CD164L2: variants seen among roughly 807,000 people sequenced by gnomAD.
The protein encoded by CD164L2 is CD164 molecule like 2.
CD164L2 carries 21 observed loss-of-function variants against 23.9 expected under a neutral mutation model. The ratio of observed to expected loss-of-function variants is 0.88; its 90% CI spans 0.62 to 1.27. The LOEUF is 1.27. CD164L2 is among the 50% of genes most tolerant of loss of function. The pLI, the probability that CD164L2 is intolerant of heterozygous loss-of-function variation, is 0.00. For synonymous variants in CD164L2, 92 were observed against 90.2 expected (o/e 1.02, Z -0.11); for missense variants, 230 against 224.8 (o/e 1.02, Z -0.15).
In CD164L2 at chr1:27,379,502, G is replaced by C; in HGVS notation, c.*1C>G. The C allele has an allele frequency of 6.4e-7, 1 of 1,550,454 alleles. No individual in the cohort carries two copies. Among genetic ancestry groups the C allele is most frequent in the Non-Finnish European group, 8.7e-7 (1 of 1,146,914 alleles). The stretch of plus-strand genomic sequence containing the variant: ...CAGGATGGAGTCCAGGCCCAAAGGG[G>C]TCAGATTCTGCAGAGGCCAAAGAGG... On this transcript the variant is annotated 3_prime_UTR_variant, in exon 6 of 6. Coordinates refer to ENST00000374030, the MANE Select transcript of CD164L2 (RefSeq NM_001330448.1).
intron 1 of CD164L2, 103 bp downstream of exon 1, chr1:27,383,048 GC>G (rs2016371241): frequency 1.8e-5 from 17 of 963,814 alleles, no homozygotes; most frequent in Non-Finnish European, 2.7e-5. Flanking sequence ...TGGCCGGAAA[GC>G]CCCCTCCCCT....
intron 3 of CD164L2, 102 bp downstream of exon 3, chr1:27,382,226 G>A (rs1271196047): frequency 3.7e-6 from 6 of 1,612,568 alleles, no homozygotes; most frequent in Non-Finnish European, 5.1e-6. Flanking sequence ...CCAGGTATGG[G>A]TGAGCAAAAT....
chr1:27,379,192 T>C lies in CD164L2; in HGVS notation c.*311A>G, dbSNP rs993588042. The C allele has an allele frequency of 1.9e-6, 1 of 520,510 alleles. No homozygotes were observed. The highest frequency in any genetic ancestry group is 3.5e-6 in the Non-Finnish European group (1 of 286,824). The allele number at this position is 520,510 out of a possible 1,614,324, so 32.2% of individuals were successfully genotyped here. On this transcript the variant is annotated 3_prime_UTR_variant, in exon 6 of 6. Transcript: ENST00000374030. ...GACATGAAGTGCAGTGCAGAGTTCCTTTATTTGGGGGCAGTGCCCAGGCCA... is the reference window on the plus strand; with the variant it reads ...GACATGAAGTGCAGTGCAGAGTTCCCTTATTTGGGGGCAGTGCCCAGGCCA...
chr1:27,379,566 C>A, intron 5 of CD164L2, 57 bp from the exon 6 acceptor site: 3 of 1,550,568 alleles, frequency 1.9e-6, no homozygotes, highest in Non-Finnish European at 1.7e-6. Flanking sequence ...CAGCCAAGGA[C>A]CCCCTGCCTC....
At chr1:27,381,271 T>G (rs776456963) in intron 4 of CD164L2, among the ~76,000 whole-genome samples, 3 of 152,180 alleles carry the variant, frequency 2.0e-5, no homozygotes, top group Non-Finnish European at 4.4e-5. Flanking sequence ...GTTTCTGGCT[T>G]TAATTAACCA....
chr1:27,382,263 C>T (rs1157131447), intron 3 of CD164L2, 65 bp downstream of exon 3: 6 of 1,613,942 alleles, frequency 3.7e-6, no homozygotes, highest in Non-Finnish European at 5.1e-6. Context: ...GCTGTTTCCT[C>T]CTGGGGGGCA....
At chr1:27,379,854 G>T in intron 5 of CD164L2, 197 bp downstream of exon 5, 1 of 1,488,066 alleles carries the variant, frequency 6.7e-7, no homozygotes, top group Non-Finnish European at 8.9e-7. Context: ...CTGAGTCCTG[G>T]TCCCAGCCAA....
In CD164L2 at chr1:27,379,475, C is replaced by T. The variant is rs764682583; in HGVS notation, c.*28G>A. 6.5e-7 allele frequency: 1 copy of T among 1,547,710 alleles called. No individual in the cohort carries two copies. Among genetic ancestry groups the T allele is most frequent in the South Asian group, 1.2e-5 (1 of 84,004 alleles). On this transcript the variant is annotated 3_prime_UTR_variant, in exon 6 of 6. Transcript: ENST00000374030. ...GCCACCCTCTGCATCCTCCTTTCCC[C>T]TCAGGATGGAGTCCAGGCCCAAAGG...
At position 27,379,487 on chromosome 1, in the gene CD164L2, TC is replaced by T. The variant is rs2016298237; in HGVS notation, c.*15del. On this transcript the variant is annotated 3_prime_UTR_variant, in exon 6 of 6. Coordinates refer to ENST00000374030, the MANE Select transcript of CD164L2 (RefSeq NM_001330448.1). ...ATCCTCCTTTCCCCTCAGGATGGAG[TC>T]CAGGCCCAAAGGGGTCAGATTCTGC... The T allele has an allele frequency of 3.9e-6, 6 of 1,542,450 alleles. No homozygotes were observed. The highest frequency in any genetic ancestry group is 5.2e-6 in the Non-Finnish European group (6 of 1,144,428).
At chr1:27,381,664 G>A in intron 4 of CD164L2, 116 bp downstream of exon 4, 1 of 1,107,512 alleles carries the variant, frequency 9.0e-7, no homozygotes, top group African/African-American at 1.6e-5. Flanking sequence ...GCGGAGACAG[G>A]CTCCGAGGGA....
chr1:27,380,784 G>C (rs571273240), intron 4 of CD164L2, among the ~76,000 whole-genome samples: 1 of 152,232 alleles, frequency 6.6e-6, no homozygotes, highest in African/African-American at 2.4e-5. Flanking sequence ...GTGTCAGGGG[G>C]AACATGGCTG....
chr1:27,379,707 G>A, intron 5 of CD164L2, 198 bp from the exon 6 acceptor site: 4 of 1,461,172 alleles, frequency 2.7e-6, no homozygotes, highest in Non-Finnish European at 3.6e-6. Context: ...TAGACACAAG[G>A]CCCAGCTCCT....
chr1:27,382,117 C>A, intron 3 of CD164L2: 1 of 1,505,208 alleles, frequency 6.6e-7, no homozygotes, highest in South Asian at 1.3e-5. Flanking sequence ...AGCTAACACT[C>A]CCATCCCCTC....
intron 3 of CD164L2, 42 bp from the exon 4 acceptor site, chr1:27,381,866 C>T: frequency 6.2e-7 from 1 of 1,612,118 alleles, no homozygotes; most frequent in Non-Finnish European, 8.5e-7. Context: ...CCTTCCCACC[C>T]CCTGACTCCC....
intron 3 of CD164L2, 115 bp from the exon 4 acceptor site, chr1:27,381,939 C>A: frequency 7.0e-7 from 1 of 1,427,216 alleles, no homozygotes; most frequent in Non-Finnish European, 9.6e-7. Flanking sequence ...TGTCCCTACT[C>A]TAGACATCCA....
chr1:27,382,479 G>T (rs766102186), intron 2 of CD164L2, 21 bp downstream of exon 2: 1 of 1,588,956 alleles, frequency 6.3e-7, no homozygotes, highest in African/African-American at 1.3e-5. Flanking sequence ...CACTCAATCT[G>T]GGGAGGGCTC....
In CD164L2 at chr1:27,379,382, G is replaced by A; in HGVS notation, c.*121C>T. 1 of 930,922 alleles carries A rather than the reference G, an allele frequency of 1.1e-6. No individual in the cohort carries two copies. Among genetic ancestry groups the A allele is most frequent in the Non-Finnish European group, 1.7e-6 (1 of 589,428 alleles). The allele number at this position is 930,922 out of a possible 1,614,324, so 57.7% of individuals were successfully genotyped here. ...CACTGAGCCTGCTTGGTGCCCGCAGGAGCCAAAAACTGGCGGCCAGAGTTT... is the reference window on the plus strand; with the variant it reads ...CACTGAGCCTGCTTGGTGCCCGCAGAAGCCAAAAACTGGCGGCCAGAGTTT... On this transcript the variant is annotated 3_prime_UTR_variant, in exon 6 of 6. Transcript: ENST00000374030.
In CD164L2 at chr1:27,379,418, C is replaced by A; in HGVS notation, c.*85G>T. 1 of 1,126,664 alleles carries A rather than the reference C, an allele frequency of 8.9e-7. No individual in the cohort carries two copies. Among genetic ancestry groups the A allele is most frequent in the South Asian group, 1.3e-5 (1 of 75,436 alleles). The allele number at this position is 1,126,664 out of a possible 1,614,324, so 69.8% of individuals were successfully genotyped here. On this transcript the variant is annotated 3_prime_UTR_variant, in exon 6 of 6. Coordinates refer to ENST00000374030, the MANE Select transcript of CD164L2 (RefSeq NM_001330448.1). ...TGGCGGCCAGAGTTTTTCCCGCCCC[C>A]GCCCCCCGCTTACCCACAAGGGTGC...
rs902827252 is a variant in CD164L2 at position 27,379,313 on chromosome 1, T to C, written c.*190A>G. On this transcript the variant is annotated 3_prime_UTR_variant, in exon 6 of 6. Coordinates refer to ENST00000374030, the MANE Select transcript of CD164L2 (RefSeq NM_001330448.1). Reference sequence around the variant, plus strand: ...GAGGTGGTTGAGGGATTTTCTCAGCTGCAGGTTCCAGGCCCAGGACAGGAG... The same window carrying C: ...GAGGTGGTTGAGGGATTTTCTCAGCCGCAGGTTCCAGGCCCAGGACAGGAG... The C allele has an allele frequency of 6.9e-5, 43 of 621,480 alleles. No homozygotes were observed. Among genetic ancestry groups the C allele is most frequent in the African/African-American group, 6.8e-4 (37 of 54,222 alleles). The allele number at this position is 621,480 out of a possible 1,614,324, so 38.5% of individuals were successfully genotyped here.
Sources: gnomAD v4.1 joint callset for allele counts (sites outside exome capture counted in the v4.1 genomes callset) on GRCh38, gnomAD v4.1.1 for gene constraint, MANE v1.5 for transcripts, NCBI Gene and HGNC (gene_info 2026-07-23, HGNC 2026-07-21) for gene names.